The following EYS variants were observed in gnomAD, a reference collection of about 807,000 sequenced individuals.
The protein encoded by EYS is protein eyes shut homolog.
A neutral mutation model predicts 282.1 loss-of-function variants in EYS; 250 were observed. That is an observed-to-expected ratio of 0.89 (90% CI 0.80 to 0.98). EYS has a LOEUF of 0.98. Ranked by LOEUF, EYS falls within the 50% of genes least tolerant of loss-of-function variation. The pLI, the probability that EYS is intolerant of heterozygous loss-of-function variation, is 0.00. For synonymous variants in EYS, 1,355 were observed against 1,282.9 expected, an observed-to-expected ratio of 1.06 and a Z score of -1.20; for missense variants, 4,016 against 3,709.0, an observed-to-expected ratio of 1.08 and a Z score of -2.15.
chr6:64,114,730 T>C (rs909782673), intron 31 of EYS, among the ~76,000 whole-genome samples: 1 of 152,162 alleles, frequency 6.6e-6, no homozygotes, highest in African/African-American at 2.4e-5. Context: ...TTTCCATAGA[T>C]TTCACAGCAA....
intron 33 of EYS, among the ~76,000 whole-genome samples, chr6:64,012,182 T>A (rs1434454300): frequency 6.6e-6 from 1 of 152,206 alleles, no homozygotes; most frequent in African/African-American, 2.4e-5. Context: ...TAGTTTGCCT[T>A]AATGTATACT....
intron 14 of EYS, among the ~76,000 whole-genome samples, chr6:64,992,421 A>G (rs1347822721): frequency 6.6e-6 from 1 of 151,924 alleles, no homozygotes; most frequent in African/African-American, 2.4e-5. Flanking sequence ...ATAAAAATAA[A>G]AAAAGTTAAG....
intron 12 of EYS, among the ~76,000 whole-genome samples, chr6:65,244,940 G>A (rs1196170136): frequency 6.6e-6 from 1 of 152,052 alleles, no homozygotes; most frequent in Non-Finnish European, 1.5e-5. Context: ...TGTCTAATTC[G>A]AAAGATTTGG....
chr6:64,817,879 T>C (rs1764785683), intron 21 of EYS, among the ~76,000 whole-genome samples: 1 of 152,166 alleles, frequency 6.6e-6, no homozygotes, highest in Non-Finnish European at 1.5e-5. Flanking sequence ...TCCATGTCTT[T>C]GCTATTTATA....
rs1270977202 is a variant in EYS, at chr6:65,494,911, ACATTTAGT to A, written c.492_499del (p.Leu165AspfsTer21). 6.2e-7 allele frequency: 1 copy of A among 1,613,988 alleles called. No individual in the cohort carries two copies. The highest frequency in any genetic ancestry group is 8.5e-7 in the Non-Finnish European group (1 of 1,180,000). On this transcript the variant is annotated frameshift_variant, in exon 4 of 43. Transcript: ENST00000503581. LOFTEE classifies it high-confidence loss of function. ...CTGGCAGAACTGCTGTTTCACTGTC[ACATTTAGT>A]CGAAGTCCCAGTGGACAAGGTGATG...
intron 26 of EYS, among the ~76,000 whole-genome samples, chr6:64,573,005 GC>G (rs1419897451): frequency 6.6e-6 from 1 of 152,038 alleles, no homozygotes; most frequent in Non-Finnish European, 1.5e-5. Context: ...GAGGCATCAT[GC>G]TACCTGACTT....
At chr6:64,865,164 C>A (rs1364136087) in intron 19 of EYS, among the ~76,000 whole-genome samples, 1 of 152,070 alleles carries the variant, frequency 6.6e-6, no homozygotes, top group South Asian at 2.1e-4. Flanking sequence ...AGGGATATTT[C>A]TGGGCTGTGA....
At chr6:64,080,922 G>T (rs1477247617) in intron 32 of EYS, among the ~76,000 whole-genome samples, 2 of 152,010 alleles carry the variant, frequency 1.3e-5, no homozygotes, top group Non-Finnish European at 2.9e-5. Context: ...CTATATCTCT[G>T]TTTTGGTACC....
chr6:64,442,022 G>A (rs1774965188), intron 26 of EYS, among the ~76,000 whole-genome samples: 2 of 152,292 alleles, frequency 1.3e-5, no homozygotes, highest in South Asian at 2.1e-4. Context: ...GGTTGGAACA[G>A]TTTGGAGGGC....
At chr6:65,443,773 T>G (rs1768539178) in intron 5 of EYS, among the ~76,000 whole-genome samples, 1 of 148,836 alleles carries the variant, frequency 6.7e-6, no homozygotes, top group South Asian at 2.1e-4. Context: ...TACACATATA[T>G]TCATATATAG....
intron 12 of EYS, among the ~76,000 whole-genome samples, chr6:65,109,142 T>C (rs1453774930): frequency 6.6e-6 from 1 of 152,074 alleles, no homozygotes; most frequent in Admixed American, 6.6e-5. Flanking sequence ...AGATAATCTA[T>C]ACAAACTATT....
chr6:64,482,047 C>G (rs1776451518), intron 26 of EYS, among the ~76,000 whole-genome samples: 1 of 151,680 alleles, frequency 6.6e-6, no homozygotes, highest in South Asian at 2.1e-4. Context: ...TCTAATGTTA[C>G]CAAGTCTCTT....
At chr6:64,695,937 C>T (rs1254245076) in intron 22 of EYS, among the ~76,000 whole-genome samples, 1 of 152,032 alleles carries the variant, frequency 6.6e-6, no homozygotes, top group African/African-American at 2.4e-5. Context: ...TGTCATAATA[C>T]TGGAAGTATT....
chr6:65,627,974 C>T (rs1293349642), intron 2 of EYS, among the ~76,000 whole-genome samples: 3 of 152,224 alleles, frequency 2.0e-5, no homozygotes, highest in Non-Finnish European at 4.4e-5. Context: ...AGCCCCGGTG[C>T]GGGATCCACT....
chr6:65,220,371 T>G (rs1203010017), intron 12 of EYS, among the ~76,000 whole-genome samples: 1 of 151,970 alleles, frequency 6.6e-6, no homozygotes, highest in East Asian at 1.9e-4. Flanking sequence ...TTGAACCCAG[T>G]GGGTGGTAAT....
chr6:64,602,667 A>C (rs1766799512), intron 24 of EYS, among the ~76,000 whole-genome samples: 1 of 152,094 alleles, frequency 6.6e-6, no homozygotes, highest in Admixed American at 6.6e-5. Flanking sequence ...AATTATTTGA[A>C]AATTTAGCAA....
intron 33 of EYS, among the ~76,000 whole-genome samples, chr6:64,056,636 C>T (rs1254084360): frequency 6.6e-6 from 1 of 152,134 alleles, no homozygotes; most frequent in African/African-American, 2.4e-5. Context: ...ACTGCTATTA[C>T]CACGCAAACA....
chr6:64,150,776 G>T (rs79988376), intron 31 of EYS, among the ~76,000 whole-genome samples: 5,518 of 152,208 alleles, frequency 0.036, 306 homozygotes, highest in African/African-American at 0.12. Context: ...AAGGAGAATT[G>T]CTTGAAGCCA....
chr6:64,396,716 T>G (rs1773391243), intron 28 of EYS, among the ~76,000 whole-genome samples: 2 of 152,100 alleles, frequency 1.3e-5, no homozygotes, highest in African/African-American at 4.8e-5. Context: ...CTGTCATAAA[T>G]CATGTCCATA....
Sources: gnomAD v4.1 joint callset for allele counts (sites outside exome capture counted in the v4.1 genomes callset) on GRCh38, gnomAD v4.1.1 for gene constraint, MANE v1.5 for transcripts, NCBI Gene and HGNC (gene_info 2026-07-23, HGNC 2026-07-21) for gene names.